TMEM65: variants seen among roughly 807,000 people sequenced by gnomAD.
The protein encoded by TMEM65 is transmembrane protein 65.
In TMEM65, 22 loss-of-function variants were observed where a neutral mutation model predicts 25.4. That is an observed-to-expected ratio of 0.86 (90% CI 0.62 to 1.23). The LOEUF (loss-of-function observed/expected upper bound fraction) is 1.23. TMEM65 is among the 50% of genes most tolerant of loss of function. The probability of loss-of-function intolerance (pLI) is 0.00; values close to 1 mark genes in which losing one functional copy is unlikely to be tolerated. For synonymous variants in TMEM65, 132 were observed against 126.2 expected, an observed-to-expected ratio of 1.05 and a Z score of -0.31; for missense variants, 262 against 308.2, an observed-to-expected ratio of 0.85 and a Z score of 1.12.
chr8:124,371,832 G>A, intron 1 of TMEM65, 22 bp downstream of exon 1: 2 of 1,499,830 alleles, frequency 1.3e-6, no homozygotes, highest in Non-Finnish European at 8.8e-7. Flanking sequence ...CCCCGGGCTC[G>A]CCCCCCACCT....
intron 4 of TMEM65, among the ~76,000 whole-genome samples, chr8:124,322,732 T>C (rs565071721): frequency 1.7e-4 from 26 of 151,986 alleles, no homozygotes; most frequent in African/African-American, 6.0e-4. Flanking sequence ...GCGTGGTGGC[T>C]CACATCTGTA....
intron 1 of TMEM65, among the ~76,000 whole-genome samples, chr8:124,365,263 C>T (rs1349093298): frequency 2.6e-5 from 4 of 152,078 alleles, no homozygotes; most frequent in Admixed American, 2.0e-4. Flanking sequence ...GCCATATTTC[C>T]CAAATTTCTA....
chr8:124,358,346 T>C (rs1202825915), intron 1 of TMEM65, among the ~76,000 whole-genome samples: 1 of 152,204 alleles, frequency 6.6e-6, no homozygotes, highest in Admixed American at 6.5e-5. Context: ...GTTTTTAAAT[T>C]AAGTTTAGCC....
At chr8:124,327,872 G>A (rs112518880) in intron 2 of TMEM65, among the ~76,000 whole-genome samples, 51 of 152,170 alleles carry the variant, frequency 3.4e-4, no homozygotes, top group African/African-American at 1.2e-3. Flanking sequence ...TCAAATGTCA[G>A]AAAAGTTATT....
intron 1 of TMEM65, among the ~76,000 whole-genome samples, chr8:124,362,686 C>G (rs1448904789): frequency 1.3e-5 from 1 of 74,434 alleles, no homozygotes; most frequent in Non-Finnish European, 2.8e-5. Flanking sequence ...AGAAAAAATG[C>G]TAAGAGATTA....
At chr8:124,328,230 C>T (rs1346360983) in intron 2 of TMEM65, among the ~76,000 whole-genome samples, 1 of 151,778 alleles carries the variant, frequency 6.6e-6, no homozygotes, top group East Asian at 1.9e-4. Flanking sequence ...ATGGTGAAAC[C>T]CCATCACTAC....
At chr8:124,371,501 G>A (rs1440645176) in intron 1 of TMEM65, among the ~76,000 whole-genome samples, 1 of 152,252 alleles carries the variant, frequency 6.6e-6, no homozygotes, top group Non-Finnish European at 1.5e-5. Flanking sequence ...AAGGGCTAAG[G>A]GACAGGAGGG....
At chr8:124,350,473 TCTCTCA>T (rs1160046907) in intron 1 of TMEM65, among the ~76,000 whole-genome samples, 9 of 84,888 alleles carry the variant, frequency 1.1e-4, no homozygotes, top group South Asian at 9.8e-4. Flanking sequence ...CCTCTCTCTC[TCTCTCA>T]CACACACACA....
intron 1 of TMEM65, among the ~76,000 whole-genome samples, chr8:124,366,533 T>A (rs1350922914): frequency 6.6e-6 from 1 of 152,198 alleles, no homozygotes; most frequent in East Asian, 1.9e-4. Context: ...ATATCCTTTT[T>A]TTTTCAATTT....
rs530286910 is a variant in TMEM65 at position 124,361,792 on chromosome 8, C to A, written c.304+10062G>T. ...CAGAGGTTGCAGTGAGCGGAGATTG[C>A]GCCACTGCACTGCAGCCTGGGCAAC... On this transcript the variant is annotated intron_variant, in intron 1 of 6. Transcript: ENST00000297632. 4.2e-4 allele frequency among the ~76,000 whole-genome samples: 64 copies of A among 151,292 alleles called. No individual in the cohort carries two copies. In the East Asian group the frequency reaches 0.012, roughly 27 times the overall value.
chr8:124,348,669 G>A (rs148439697), intron 1 of TMEM65, among the ~76,000 whole-genome samples: 2,831 of 152,190 alleles, frequency 0.019, 58 homozygotes, highest in Middle Eastern at 0.044. Context: ...ACACAGATTC[G>A]TAAAAGTTAT....
intron 1 of TMEM65, among the ~76,000 whole-genome samples, chr8:124,334,574 A>T (rs753374568): frequency 6.6e-6 from 1 of 151,446 alleles, no homozygotes; most frequent in Non-Finnish European, 1.5e-5. Flanking sequence ...GACCAGCCTG[A>T]CCAACATGGT....
intron 5 of TMEM65, among the ~76,000 whole-genome samples, chr8:124,321,868 A>G (rs1035577097): frequency 2.0e-5 from 3 of 152,212 alleles, no homozygotes; most frequent in African/African-American, 7.2e-5. Flanking sequence ...CACAACTGCC[A>G]GGGCTCCCTC....
chr8:124,359,050 C>T (rs1814824962), intron 1 of TMEM65, among the ~76,000 whole-genome samples: 1 of 152,220 alleles, frequency 6.6e-6, no homozygotes, highest in Admixed American at 6.5e-5. Context: ...AGATGTCTGA[C>T]TGGGTCAGAC....
intron 4 of TMEM65, 41 bp downstream of exon 4, chr8:124,323,280 A>C (rs928396678): frequency 9.0e-7 from 1 of 1,113,952 alleles, no homozygotes; most frequent in Middle Eastern, 2.0e-4. Context: ...AATGTTTTAT[A>C]AGTGTACAAT....
intron 3 of TMEM65, among the ~76,000 whole-genome samples, chr8:124,325,835 A>C (rs917657573): frequency 1.3e-5 from 2 of 152,076 alleles, no homozygotes; most frequent in African/African-American, 4.8e-5. Flanking sequence ...TATAGCAAAC[A>C]AAACCATTCT....
At chr8:124,361,889 G>GT (rs1354915578) in intron 1 of TMEM65, among the ~76,000 whole-genome samples, 1 of 151,502 alleles carries the variant, frequency 6.6e-6, no homozygotes, top group South Asian at 2.1e-4. Flanking sequence ...TTTTTTGTCG[G>GT]TTTTTTGGAG....
In TMEM65 at chr8:124,331,372, A is replaced by G. The variant is rs10090414; in HGVS notation, c.305-580T>C. Among the ~76,000 whole-genome samples the G allele has an allele frequency of 1.5e-4, 22 of 144,364 alleles. No homozygotes were observed. In the East Asian group the frequency reaches 4.3e-3, roughly 28 times the overall value. The allele number at this position is 144,364 out of a possible 152,430, so 94.7% of individuals were successfully genotyped here. A position where few individuals can be genotyped will look rare whatever the true frequency, so the allele number is the denominator to read the frequency against. On this transcript the variant is annotated intron_variant, in intron 1 of 6. Coordinates refer to ENST00000297632, the MANE Select transcript of TMEM65 (RefSeq NM_194291.3). ...TTATAATATATTAATAGTATTATATAATATTGATATATATTAATTAATATA... is the reference window on the plus strand; with the variant it reads ...TTATAATATATTAATAGTATTATATGATATTGATATATATTAATTAATATA...
intron 6 of TMEM65, among the ~76,000 whole-genome samples, chr8:124,314,829 T>G (rs1325032690): frequency 1.3e-5 from 2 of 151,770 alleles, no homozygotes; most frequent in African/African-American, 4.8e-5. Flanking sequence ...CTAGATAATT[T>G]TGTTACTTTT....
Sources: gnomAD v4.1 joint callset for allele counts (sites outside exome capture counted in the v4.1 genomes callset) on GRCh38, gnomAD v4.1.1 for gene constraint, MANE v1.5 for transcripts, NCBI Gene and HGNC (gene_info 2026-07-23, HGNC 2026-07-21) for gene names.